The following DACT1 variants were observed in gnomAD, a reference collection of about 807,000 sequenced individuals.
The protein encoded by DACT1 is dishevelled binding antagonist of beta catenin 1, also known as dapper homolog 1.
Under a neutral mutation model 35.3 loss-of-function variants are expected in DACT1, and 19 were observed. The observed-to-expected ratio is 0.54, with a 90% CI of 0.38 to 0.79. The LOEUF (loss-of-function observed/expected upper bound fraction) is 0.79. DACT1 is among the 30% of genes least tolerant of loss of function. DACT1 has a pLI of 0.00. For synonymous variants in DACT1, 545 were observed against 466.7 expected (o/e 1.17, Z -2.16); for missense variants, 1,143 against 1,057.5 (o/e 1.08, Z -1.12).
chr14:58,647,169 T>G lies in DACT1; in HGVS notation c.*35T>G. 6.3e-7 allele frequency: 1 copy of G among 1,589,352 alleles called. No homozygotes were observed. The highest frequency in any genetic ancestry group is 8.5e-7 in the Non-Finnish European group (1 of 1,173,556). On this transcript the variant is annotated 3_prime_UTR_variant, in exon 4 of 4. Coordinates refer to ENST00000395153, the MANE Select transcript of DACT1 (RefSeq NM_001079520.2). The stretch of plus-strand genomic sequence containing the variant: ...TTGGTGTAGAAAGTTTGTGTGTTTT[T>G]TTTTCTTCTCCCTAGTTGCCAAAAT...
intron 3 of DACT1, among the ~76,000 whole-genome samples, chr14:58,643,571 C>T (rs2047647103): frequency 6.6e-6 from 1 of 152,210 alleles, no homozygotes; most frequent in Admixed American, 6.5e-5. Flanking sequence ...AATTGCTCCC[C>T]TTCATTCCAC....
At chr14:58,639,142 G>C in intron 1 of DACT1, 3 of 985,408 alleles carry the variant, frequency 3.0e-6, no homozygotes, top group Non-Finnish European at 3.6e-6. Context: ...GTATAAGGCA[G>C]CTCAAACTAG....
In DACT1 at chr14:58,647,052, T is replaced by C; in HGVS notation, c.2318T>C (p.Val773Ala). ...CACAACCACCCCGCAAAAACCTTTG[T>C]CAAAATTAAGGCCTCACATAACCTC... ...DLHNHPAKTFVKIKASHNLKK... is the reference protein window; with the variant it reads ...DLHNHPAKTFAKIKASHNLKK... The change falls in exon 4 of 4, where the codon GTC becomes GCC. Residue 773 changes from valine (V) to alanine (A), a missense_variant. Transcript: ENST00000395153. 6.2e-7 allele frequency: 1 copy of C among 1,614,158 alleles called. No homozygotes were observed. The highest frequency in any genetic ancestry group is 8.5e-7 in the Non-Finnish European group (1 of 1,180,040).
At chr14:58,640,042 C>G (rs1440516799) in intron 1 of DACT1, among the ~76,000 whole-genome samples, 1 of 152,182 alleles carries the variant, frequency 6.6e-6, no homozygotes, top group Non-Finnish European at 1.5e-5. Context: ...TGATTTGAAC[C>G]AGATGCTTTT....
intron 3 of DACT1, 125 bp from the exon 4 acceptor site, chr14:58,645,244 T>C: frequency 6.2e-7 from 1 of 1,604,534 alleles, no homozygotes. Flanking sequence ...AGTGTACCTT[T>C]AACTGTTTTT....
chr14:58,646,292 G>T lies in DACT1; in HGVS notation c.1558G>T (p.Ala520Ser). Residue 520 changes from alanine to serine, a missense_variant, in exon 4 of 4, where the codon GCC becomes TCC. By Grantham distance (99) the Ala-to-Ser change is moderately conservative. Around this residue, in one of 3 missense-constraint regions of DACT1, gnomAD observed 1,054 missense variants for 958.8 expected, o/e 1.10. Coordinates refer to ENST00000395153, the MANE Select transcript of DACT1 (RefSeq NM_001079520.2). ...QSLEEAHLVK[A>S]QFIPGQQPSV... is the part of the protein sequence containing the mutation. ...CCTGGAGGAAGCGCACCTGGTCAAG[G>T]CCCAGTTTATCCCGGGGCAGCAGCC... The T allele has an allele frequency of 6.2e-7, 1 of 1,612,046 alleles. No individual in the cohort carries two copies. Among genetic ancestry groups the T allele is most frequent in the Non-Finnish European group, 8.5e-7 (1 of 1,179,526 alleles).
upstream of DACT1, chr14:58,634,145 C>T (rs2047559520): frequency 6.6e-6 from 1 of 152,188 alleles, no homozygotes; most frequent in Admixed American, 6.5e-5. Context: ...TGGCCTTCTT[C>T]AACAAAAACC....
At chr14:58,643,812 C>T (rs1566508549) in intron 3 of DACT1, among the ~76,000 whole-genome samples, 2 of 151,878 alleles carry the variant, frequency 1.3e-5, no homozygotes, top group African/African-American at 2.4e-5. Flanking sequence ...ATAGGGCTTA[C>T]GTTGCTGGGA....
At position 58,640,831 on chromosome 14, in the gene DACT1, T is replaced by C. The variant is rs200741432; in HGVS notation, c.441T>C (p.Ser147=). ...TGAGACTGGATGTAGAAAAGACATC[T>C]GAAGAGCACCTGGAGACAGACAGTC... ...SDLRLDVEKT[S]EEHLETDSRP... is the part of the protein sequence containing the mutation. The change falls in exon 2 of 4, where the codon TCT becomes TCC. Residue 147 remains serine, a synonymous_variant. Coordinates refer to ENST00000395153, the MANE Select transcript of DACT1 (RefSeq NM_001079520.2). 3.1e-6 allele frequency: 5 copies of C among 1,614,168 alleles called. No individual in the cohort carries two copies. In the Admixed American group the frequency reaches 5.0e-5, roughly 16 times the overall value.
At position 58,647,960 on chromosome 14, in the gene DACT1, C is replaced by T. The variant is rs1289898152; in HGVS notation, c.*826C>T. ...TTAATGAAGTAACCCTTGGGCATGA[C>T]TCCAATCCCAGAATTGCTCACTGAG... On this transcript the variant is annotated 3_prime_UTR_variant, in exon 4 of 4. Coordinates refer to ENST00000395153, the MANE Select transcript of DACT1 (RefSeq NM_001079520.2). The T allele has an allele frequency of 1.2e-5, 2 of 167,128 alleles. No individual in the cohort carries two copies. Among genetic ancestry groups the T allele is most frequent in the African/African-American group, 4.8e-5 (2 of 41,470 alleles). The allele number at this position is 167,128 out of a possible 1,614,324, so 10.4% of individuals were successfully genotyped here. A position where few individuals can be genotyped will look rare whatever the true frequency, so the allele number is the denominator to read the frequency against.
At position 58,641,647 on chromosome 14, in the gene DACT1, G is replaced by T. The variant is rs942068352; in HGVS notation, c.534G>T (p.Ser178=). 1.2e-6 allele frequency: 2 copies of T among 1,614,094 alleles called. No individual in the cohort carries two copies. The highest frequency in any genetic ancestry group is 2.2e-5 in the East Asian group (1 of 44,886). The change falls in exon 3 of 4, where the codon TCG becomes TCT. Residue 178 remains serine (S), a synonymous_variant. Transcript: ENST00000395153. ...GATCCCTTTCCAATTCCTCTAACTC[G>T]GTGTTCAGTGAGTGTTTATCCAGTT... is the stretch of plus-strand genomic sequence containing the variant. The part of the protein sequence containing the change: ...ASGSLSNSSN[S]VFSECLSSCH...
intron 3 of DACT1, among the ~76,000 whole-genome samples, chr14:58,642,438 T>G (rs160471): frequency 0.089 from 13,480 of 151,370 alleles, 895 homozygotes; most frequent in African/African-American, 0.18. Flanking sequence ...GAGCCGAGAT[T>G]GGACCACTGT....
upstream of DACT1, chr14:58,634,331 C>T (rs979092041): frequency 1.3e-5 from 2 of 152,196 alleles, no homozygotes; most frequent in South Asian, 2.1e-4. Context: ...TTCCCTTCTG[C>T]CCTCAAAAGA....
upstream of DACT1, among the ~76,000 whole-genome samples, chr14:58,635,487 A>G (rs1478509124): frequency 1.3e-5 from 2 of 152,242 alleles, no homozygotes; most frequent in Non-Finnish European, 2.9e-5. Context: ...GAACAGCATT[A>G]TTTATTAATG....
At chr14:58,642,670 G>A (rs2047639150) in intron 3 of DACT1, among the ~76,000 whole-genome samples, 1 of 152,152 alleles carries the variant, frequency 6.6e-6, no homozygotes, top group Admixed American at 6.5e-5. Context: ...CTCCAGCCTG[G>A]GCAACAGAGT....
chr14:58,645,110 C>G, intron 3 of DACT1: 1 of 665,110 alleles, frequency 1.5e-6, no homozygotes, highest in East Asian at 2.7e-5. Context: ...CATCCAGTAG[C>G]AGTACCTACA....
In DACT1 at chr14:58,646,655, C is replaced by T. The variant is rs1275717559; in HGVS notation, c.1921C>T (p.Arg641Trp). The T allele has an allele frequency of 6.2e-7, 1 of 1,611,830 alleles. No individual in the cohort carries two copies. Among genetic ancestry groups the T allele is most frequent in the Non-Finnish European group, 8.5e-7 (1 of 1,179,428 alleles). Reference sequence around the variant, plus strand: ...TAAGCACAAGCGAACTGACTACCGGCGGTGGAAGTCCTCGGCCGAGATTTC... The same window carrying T: ...TAAGCACAAGCGAACTGACTACCGGTGGTGGAAGTCCTCGGCCGAGATTTC... ...KPKHKRTDYR[R>W]WKSSAEISYE... The change falls in exon 4 of 4, where the codon CGG becomes TGG. Residue 641 changes from arginine (R) to tryptophan (W), a missense_variant. This residue lies in a region of DACT1 where 1,054 missense variants were observed against 958.8 expected (regional missense o/e 1.10). Transcript: ENST00000395153.
chr14:58,636,903 A>G (rs1044003426), upstream of DACT1, among the ~76,000 whole-genome samples: 12 of 152,068 alleles, frequency 7.9e-5, no homozygotes, highest in Admixed American at 4.6e-4. Context: ...AATACATGAT[A>G]CTTCAAGAGG....
At chr14:58,641,212 T>G (rs991804071) in intron 2 of DACT1, among the ~76,000 whole-genome samples, 1 of 151,560 alleles carries the variant, frequency 6.6e-6, no homozygotes, top group Non-Finnish European at 1.5e-5. Flanking sequence ...TCAAAAGTTT[T>G]TTTTTTTTTT....
Sources: allele counts gnomAD v4.1 joint callset (sites outside exome capture counted in the v4.1 genomes callset), GRCh38; gene constraint gnomAD v4.1.1; regional missense constraint gnomAD v4.1.1; transcripts MANE v1.5; gene names NCBI Gene and HGNC (gene_info 2026-07-23, HGNC 2026-07-21).